The following LRRTM3 variants were observed in gnomAD, a reference collection of about 807,000 sequenced individuals.
LRRTM3 encodes leucine rich repeat transmembrane neuronal 3.
Under a neutral mutation model 44.7 loss-of-function variants are expected in LRRTM3, and 24 were observed. The ratio of observed to expected loss-of-function variants is 0.54; its 90% CI spans 0.39 to 0.76. LRRTM3 has a LOEUF of 0.76. Ranked by LOEUF, LRRTM3 falls within the 30% of genes least tolerant of loss-of-function variation. LRRTM3 has a pLI of 0.00. For missense variants in LRRTM3, 587 were observed against 702.2 expected (o/e 0.84, Z 1.85); for synonymous variants, 277 against 278.7 (o/e 0.99, Z 0.06).
intron 2 of LRRTM3, among the ~76,000 whole-genome samples, chr10:67,000,965 A>G (rs2132983728): frequency 6.6e-6 from 1 of 152,272 alleles, no homozygotes; most frequent in Non-Finnish European, 1.5e-5. Flanking sequence ...AAAATGCGAA[A>G]GTAGAGAGAG....
intron 2 of LRRTM3, among the ~76,000 whole-genome samples, chr10:67,053,010 T>C (rs1487788514): frequency 2.0e-5 from 3 of 152,104 alleles, no homozygotes; most frequent in Non-Finnish European, 4.4e-5. Flanking sequence ...TAAAGAAAAA[T>C]AACATTAAAG....
rs560072812 is a variant in LRRTM3 at position 67,099,055 on chromosome 10, G to A, written c.*1259G>A. 2 of 151,716 alleles carry A rather than the reference G, an allele frequency of 1.3e-5. No homozygotes were observed. Among genetic ancestry groups the A allele is most frequent in the Admixed American group, 6.6e-5 (1 of 15,178 alleles). 9.4% of individuals were successfully genotyped at this position (151,716 alleles called of 1,614,324 possible). Reference sequence around the variant, plus strand: ...GGAGAACTTTATCACTCAAGTAGACGGTAAACATCCTTAATATGTTCTAAA... The same window carrying A: ...GGAGAACTTTATCACTCAAGTAGACAGTAAACATCCTTAATATGTTCTAAA... On this transcript the variant is annotated 3_prime_UTR_variant, in exon 3 of 3. Coordinates refer to ENST00000361320, the MANE Select transcript of LRRTM3 (RefSeq NM_178011.5).
intron 2 of LRRTM3, among the ~76,000 whole-genome samples, chr10:67,043,513 G>A (rs1415787815): frequency 6.6e-6 from 1 of 151,980 alleles, no homozygotes; most frequent in Non-Finnish European, 1.5e-5. Context: ...TCTAGTATAG[G>A]GTTTATTTCA....
chr10:67,001,481 G>T (rs1169317908), intron 2 of LRRTM3, among the ~76,000 whole-genome samples: 1 of 151,762 alleles, frequency 6.6e-6, no homozygotes, highest in Non-Finnish European at 1.5e-5. Flanking sequence ...AAATGGGAAT[G>T]GGGGGCACAG....
intron 2 of LRRTM3, among the ~76,000 whole-genome samples, chr10:66,988,698 G>A (rs16923877): frequency 6.6e-6 from 1 of 152,124 alleles, no homozygotes; most frequent in Non-Finnish European, 1.5e-5. Flanking sequence ...TCTGCAGTCT[G>A]ATTAGGTCAC....
At chr10:67,058,881 A>G (rs1464938444) in intron 2 of LRRTM3, among the ~76,000 whole-genome samples, 4 of 152,210 alleles carry the variant, frequency 2.6e-5, no homozygotes, top group African/African-American at 4.8e-5. Flanking sequence ...GAAGATACTT[A>G]GTATGACTAC....
chr10:67,069,048 G>GA (rs112057789), intron 2 of LRRTM3, among the ~76,000 whole-genome samples: 26 of 128,732 alleles, frequency 2.0e-4, no homozygotes, highest in Non-Finnish European at 3.5e-5. Flanking sequence ...AGCAAGACAG[G>GA]AAAAAAAATA....
chr10:67,076,582 G>A (rs567484730), intron 2 of LRRTM3, among the ~76,000 whole-genome samples: 4 of 152,220 alleles, frequency 2.6e-5, no homozygotes, highest in Admixed American at 1.3e-4. Context: ...ATCTAAAAGC[G>A]TTTCTTTAAA....
Position 66,997,499 on chromosome 10 carries a change from T to C in LRRTM3, c.1536+69047T>C, listed in dbSNP as rs571861332. Among the ~76,000 whole-genome samples, 4 of 152,336 alleles carry C rather than the reference T, an allele frequency of 2.6e-5. No homozygotes were observed. In the South Asian group the frequency reaches 8.3e-4, roughly 32 times the overall value. On this transcript the variant is annotated intron_variant, in intron 2 of 2. Transcript: ENST00000361320. ...ATCTAGAACAGTTTAAACCAAATTC[T>C]TGTCTGTTCATAAGCTCTGGTAAAA...
chr10:66,981,051 A>G (rs1850408084), intron 2 of LRRTM3, among the ~76,000 whole-genome samples: 1 of 152,080 alleles, frequency 6.6e-6, no homozygotes, highest in Non-Finnish European at 1.5e-5. Context: ...GATTACAGGC[A>G]TGCTCCACCA....
At chr10:67,016,830 T>C (rs919925549) in intron 2 of LRRTM3, among the ~76,000 whole-genome samples, 1 of 152,210 alleles carries the variant, frequency 6.6e-6, no homozygotes, top group African/African-American at 2.4e-5. Flanking sequence ...ATAATTTTAG[T>C]AGACTTTGAG....
intron 2 of LRRTM3, among the ~76,000 whole-genome samples, chr10:67,063,621 T>C (rs982268650): frequency 6.6e-6 from 1 of 152,202 alleles, no homozygotes; most frequent in Non-Finnish European, 1.5e-5. Flanking sequence ...ATAATGCATA[T>C]GACATGGCTT....
rs377040735 is a variant in LRRTM3, at chr10:66,927,025, G to C, written c.109G>C (p.Gly37Arg). ...LSSAERGCPK[G>R]CRCEGKMVYC... The stretch of plus-strand genomic sequence containing the variant: ...TTCTGCCGAACGAGGATGCCCTAAG[G>C]GCTGTAGGTGTGAAGGCAAAATGGT... The change falls in exon 2 of 3, where the codon GGC becomes CGC. Residue 37 changes from glycine (G) to arginine (R), a missense_variant. Physicochemically the swap from Gly to Arg is moderately radical, Grantham distance 125. Around this residue, in one of 3 missense-constraint regions of LRRTM3, gnomAD observed 50 missense variants for 43.4 expected, o/e 1.15. Transcript: ENST00000361320. This position sits in a 1 kb window ranked among gnomAD's most constrained non-coding sequence, Gnocchi z 4.7. 6.2e-7 allele frequency: 1 copy of C among 1,613,952 alleles called. No homozygotes were observed. Among genetic ancestry groups the C allele is most frequent in the Non-Finnish European group, 8.5e-7 (1 of 1,180,032 alleles).
At chr10:67,006,511 C>T (rs1851999035) in intron 2 of LRRTM3, among the ~76,000 whole-genome samples, 1 of 141,776 alleles carries the variant, frequency 7.1e-6, no homozygotes, top group Non-Finnish European at 1.6e-5. Flanking sequence ...TTAGCTTTTT[C>T]CTGGGACAAA....
intron 2 of LRRTM3, among the ~76,000 whole-genome samples, chr10:66,946,286 C>T (rs1848269613): frequency 6.6e-6 from 1 of 152,164 alleles, no homozygotes; most frequent in African/African-American, 2.4e-5. Flanking sequence ...ATAGTGATCA[C>T]ATTTTGACCT....
At chr10:66,955,104 C>A (rs1315851391) in intron 2 of LRRTM3, among the ~76,000 whole-genome samples, 1 of 152,096 alleles carries the variant, frequency 6.6e-6, no homozygotes, top group Admixed American at 6.6e-5. Context: ...GGAAGACTTC[C>A]TCTAACCTCT....
intron 2 of LRRTM3, among the ~76,000 whole-genome samples, chr10:67,067,202 C>T (rs1856145271): frequency 6.6e-6 from 1 of 151,866 alleles, no homozygotes; most frequent in Non-Finnish European, 1.5e-5. Context: ...AGAAATATAC[C>T]ACAGAAGTGA....
chr10:67,078,806 G>T (rs190002514), intron 2 of LRRTM3, among the ~76,000 whole-genome samples: 4 of 152,084 alleles, frequency 2.6e-5, no homozygotes, highest in Non-Finnish European at 5.9e-5. Flanking sequence ...GTGAGCCACC[G>T]CACCCGGCCC....
intron 2 of LRRTM3, among the ~76,000 whole-genome samples, chr10:66,931,192 T>TAA (rs3056552): frequency 0.53 from 62,575 of 118,432 alleles, 18,182 homozygotes; most frequent in Non-Finnish European, 0.64. Flanking sequence ...TGACAACAGT[T>TAA]AAAAAAAAAA....
Sources: gnomAD v4.1 joint callset for allele counts (sites outside exome capture counted in the v4.1 genomes callset) on GRCh38, gnomAD v4.1.1 for gene constraint, gnomAD v4.1.1 regional missense constraint, Gnocchi (gnomAD v3.1) non-coding constraint, MANE v1.5 for transcripts, NCBI Gene and HGNC (gene_info 2026-07-23, HGNC 2026-07-21) for gene names.